EYS: variants seen among roughly 807,000 people sequenced by gnomAD.
EYS encodes EGF-like photoreceptor maintenance factor.
A neutral mutation model predicts 282.1 loss-of-function variants in EYS; 250 were observed. The observed-to-expected ratio is 0.89, with a 90% CI of 0.80 to 0.98. The LOEUF is 0.98. EYS is among the 50% of genes least tolerant of loss of function. The probability of loss-of-function intolerance (pLI) is 0.00; values close to 1 mark genes in which losing one functional copy is unlikely to be tolerated. For synonymous variants in EYS, 1,355 were observed against 1,282.9 expected, an observed-to-expected ratio of 1.06 and a Z score of -1.20; for missense variants, 4,016 against 3,709.0, an observed-to-expected ratio of 1.08 and a Z score of -2.15.
At chr6:64,999,837 C>T (rs9453149) in intron 13 of EYS, among the ~76,000 whole-genome samples, 260 of 152,214 alleles carry the variant, frequency 1.7e-3, no homozygotes, top group African/African-American at 5.8e-3. Context: ...GAGCCCAGGA[C>T]GCCGAGCACC....
chr6:65,178,560 G>A (rs1765288962), intron 12 of EYS, among the ~76,000 whole-genome samples: 1 of 151,912 alleles, frequency 6.6e-6, no homozygotes, highest in African/African-American at 2.4e-5. Context: ...GATTCATAAA[G>A]CAAGTCCTGA....
At chr6:64,541,174 T>A (rs977235539) in intron 26 of EYS, among the ~76,000 whole-genome samples, 3 of 152,178 alleles carry the variant, frequency 2.0e-5, no homozygotes, top group Non-Finnish European at 4.4e-5. Flanking sequence ...AAGGCTATGA[T>A]CTCCACTCCA....
intron 2 of EYS, among the ~76,000 whole-genome samples, chr6:65,540,070 T>TA (rs1475509013): frequency 3.3e-5 from 5 of 152,342 alleles, no homozygotes; most frequent in Non-Finnish European, 7.3e-5. Context: ...ACTAAACACT[T>TA]ACATTTGTAG....
intron 26 of EYS, among the ~76,000 whole-genome samples, chr6:64,573,344 A>G (rs1454094180): frequency 6.6e-6 from 1 of 152,130 alleles, no homozygotes; most frequent in Non-Finnish European, 1.5e-5. Context: ...TAGGCAATCA[A>G]TACCATTCAG....
intron 12 of EYS, among the ~76,000 whole-genome samples, chr6:65,119,937 A>G (rs1775481988): frequency 6.6e-6 from 1 of 151,718 alleles, no homozygotes; most frequent in Non-Finnish European, 1.5e-5. Flanking sequence ...GGAGATCGAG[A>G]CCATCCTGGC....
chr6:64,181,855 A>G (rs1019356736), intron 31 of EYS, among the ~76,000 whole-genome samples: 1 of 152,130 alleles, frequency 6.6e-6, no homozygotes, highest in Non-Finnish European at 1.5e-5. Flanking sequence ...TTTGCAAGCA[A>G]TTCATTTTTG....
chr6:65,442,781 T>TA (rs890946278), intron 5 of EYS, among the ~76,000 whole-genome samples: 3 of 99,962 alleles, frequency 3.0e-5, no homozygotes, highest in African/African-American at 5.4e-5. Flanking sequence ...AATAAAAAAT[T>TA]AAAAAAAAAT....
chr6:65,002,808 T>C lies in EYS; in HGVS notation c.2138-5105A>G, dbSNP rs946391922. On this transcript the variant is annotated intron_variant, in intron 13 of 42. Coordinates refer to ENST00000503581, the MANE Select transcript of EYS (RefSeq NM_001142800.2). ...GACATTTATTAGTTCCCCAAATTAATACTTTTATAATTTCTTATGCCTGTC... is the reference window on the plus strand; with the variant it reads ...GACATTTATTAGTTCCCCAAATTAACACTTTTATAATTTCTTATGCCTGTC... Among the ~76,000 whole-genome samples, 27 of 147,734 alleles carry C rather than the reference T, an allele frequency of 1.8e-4. 1 individual carries two copies. Among genetic ancestry groups the C allele is most frequent in the Non-Finnish European group, 2.7e-4 (18 of 65,914 alleles).
chr6:64,890,293 C>T (rs1767247365), intron 18 of EYS, among the ~76,000 whole-genome samples: 1 of 152,074 alleles, frequency 6.6e-6, no homozygotes, highest in African/African-American at 2.4e-5. Context: ...CTCCATTTGC[C>T]TTGTGATATT....
chr6:64,692,878 G>A (rs947710552), intron 22 of EYS, among the ~76,000 whole-genome samples: 5 of 147,532 alleles, frequency 3.4e-5, no homozygotes, highest in Non-Finnish European at 7.4e-5. Flanking sequence ...GTACCAAGCT[G>A]TTTTGGTTAC....
At chr6:63,795,823 G>A (rs1175954820) in intron 37 of EYS, among the ~76,000 whole-genome samples, 1 of 152,148 alleles carries the variant, frequency 6.6e-6, no homozygotes, top group Non-Finnish European at 1.5e-5. Flanking sequence ...AGGAGAAACT[G>A]TGCAAGTCAG....
chr6:64,296,840 C>T (rs1769047513), intron 30 of EYS, among the ~76,000 whole-genome samples: 1 of 151,934 alleles, frequency 6.6e-6, no homozygotes, highest in Non-Finnish European at 1.5e-5. Context: ...CTCCTGACCT[C>T]GTGATCCAAC....
intron 31 of EYS, among the ~76,000 whole-genome samples, chr6:64,211,993 G>A (rs1765794939): frequency 6.6e-6 from 1 of 151,884 alleles, no homozygotes; most frequent in Non-Finnish European, 1.5e-5. Flanking sequence ...GCATGTGCCT[G>A]TAATCCCAGC....
At chr6:64,770,301 A>C (rs1221188427) in intron 22 of EYS, among the ~76,000 whole-genome samples, 1 of 151,994 alleles carries the variant, frequency 6.6e-6, no homozygotes, top group Non-Finnish European at 1.5e-5. Flanking sequence ...AGAAATGAAA[A>C]GTTATTGTTT....
chr6:64,010,936 G>A (rs959185701), intron 33 of EYS, among the ~76,000 whole-genome samples: 5 of 151,904 alleles, frequency 3.3e-5, no homozygotes, highest in Non-Finnish European at 5.9e-5. Context: ...ATTCCAGATG[G>A]CAGCCTTTCT....
chr6:64,749,466 G>A (rs1216518163), intron 22 of EYS, among the ~76,000 whole-genome samples: 1 of 152,044 alleles, frequency 6.6e-6, no homozygotes, highest in African/African-American at 2.4e-5. Flanking sequence ...AGCAAGAAAT[G>A]GTTAATTACT....
At chr6:64,635,493 T>A (rs1278660022) in intron 22 of EYS, among the ~76,000 whole-genome samples, 1 of 152,204 alleles carries the variant, frequency 6.6e-6, no homozygotes, top group Non-Finnish European at 1.5e-5. Context: ...TTGAGATATG[T>A]CCCATCAATA....
At chr6:65,267,710 A>C (rs1767795730) in intron 12 of EYS, among the ~76,000 whole-genome samples, 1 of 152,080 alleles carries the variant, frequency 6.6e-6, no homozygotes, top group Admixed American at 6.6e-5. Flanking sequence ...ACTATCATGC[A>C]ACCAGCTAAA....
chr6:64,096,866 TC>T (rs1353003789), intron 31 of EYS, among the ~76,000 whole-genome samples: 1 of 152,226 alleles, frequency 6.6e-6, no homozygotes, highest in African/African-American at 2.4e-5. Flanking sequence ...CTCTGTTTTT[TC>T]CCCATCTTTG....
Sources: gnomAD v4.1 joint callset for allele counts (sites outside exome capture counted in the v4.1 genomes callset) on GRCh38, gnomAD v4.1.1 for gene constraint, MANE v1.5 for transcripts, NCBI Gene and HGNC (gene_info 2026-07-23, HGNC 2026-07-21) for gene names.